Variants in NLRC5 observed in about 807,000 individuals in gnomAD.
NLRC5 encodes NLR family CARD domain containing 5, also known as protein NLRC5.
NLRC5 carries 114 observed loss-of-function variants against 206.9 expected under a neutral mutation model. The ratio of observed to expected loss-of-function variants is 0.55; its 90% CI spans 0.47 to 0.64. The LOEUF (loss-of-function observed/expected upper bound fraction) is 0.64, where lower values mean the gene tolerates loss of function less well. NLRC5 is among the 30% of genes least tolerant of loss of function. The probability of loss-of-function intolerance (pLI) is 0.00; values close to 1 mark genes in which losing one functional copy is unlikely to be tolerated. For missense variants in NLRC5, 2,008 were observed against 2,305.5 expected (o/e 0.87, Z 2.64); for synonymous variants, 952 against 962.8 (o/e 0.99, Z 0.21).
intron 1 of NLRC5, chr16:56,991,982 G>A (rs2056937839): frequency 6.6e-6 from 1 of 152,288 alleles, no homozygotes; most frequent in East Asian, 1.9e-4. Flanking sequence ...AATCCAATAG[G>A]ACCGGTGTCC....
chr16:57,067,984 C>G (rs1172206873), intron 36 of NLRC5, among the ~76,000 whole-genome samples, 156 bp downstream of exon 36: 1 of 152,188 alleles, frequency 6.6e-6, no homozygotes, highest in Non-Finnish European at 1.5e-5. Flanking sequence ...TTTAGGGGTA[C>G]CTAGTCGTAA....
chr16:57,078,054 G>C (rs2068628742), intron 43 of NLRC5, 34 bp downstream of exon 43: 3 of 1,528,802 alleles, frequency 2.0e-6, no homozygotes, highest in Non-Finnish European at 2.7e-6. Flanking sequence ...ATGCAGGGCT[G>C]GTGGGGAGGA....
chr16:57,026,441 T>C lies in NLRC5; in HGVS notation c.1498T>C (p.Cys500Arg), dbSNP rs28438857. 226,475 of 1,614,076 alleles carry C rather than the reference T, an allele frequency of 0.14. 22,939 individuals are homozygous for C. The highest frequency in any genetic ancestry group is 0.59 in the East Asian group (26,366 of 44,866). The change falls in exon 6 of 49, where the codon TGC becomes CGC. Residue 500 changes from cysteine (C) to arginine (R), a missense_variant. Physicochemically the swap from Cys to Arg is radical, Grantham distance 180. Transcript: ENST00000688547. Reference protein sequence around the residue: ...THSLLTSFCVCTGPGHQQTGY... With the variant: ...THSLLTSFCVRTGPGHQQTGY... ...CAGCCTGCTGACTTCCTTCTGCGTC[T>C]GCACAGGCCCTGGGCACCAGCAGAC...
chr16:57,051,300 C>T (rs542210911), intron 23 of NLRC5, among the ~76,000 whole-genome samples: 1 of 152,356 alleles, frequency 6.6e-6, no homozygotes, highest in East Asian at 1.9e-4. Flanking sequence ...CTATCGCAGC[C>T]TCAGAGAAGC....
intron 24 of NLRC5, among the ~76,000 whole-genome samples, chr16:57,053,472 G>A (rs1479942639): frequency 6.6e-6 from 1 of 152,172 alleles, no homozygotes. Flanking sequence ...GCACCCATGG[G>A]GAGAGTTTAG....
intron 32 of NLRC5, chr16:57,062,038 T>C (rs2066578626): frequency 1.5e-6 from 2 of 1,375,290 alleles, no homozygotes; most frequent in African/African-American, 2.9e-5. Context: ...TTTAAAACAC[T>C]CAGAAAAAGA....
At position 57,042,038 on chromosome 16, in the gene NLRC5, C is replaced by A; in HGVS notation, c.3086C>A (p.Pro1029Gln). The A allele has an allele frequency of 6.4e-7, 1 of 1,570,456 alleles. No individual in the cohort carries two copies. Residue 1029 changes from proline (P) to glutamine (Q), a missense_variant, in exon 19 of 49, where the codon CCA becomes CAA. Transcript: ENST00000688547. ...GCAGCCCGGCTGGCTCAGCTGCTCC[C>A]AGGGCTGGGAGCTCTGCAGTCCTTG... is the stretch of plus-strand genomic sequence containing the variant. ...EGAARLAQLL[P>Q]GLGALQSLNL...
At chr16:57,031,536 G>A in intron 11 of NLRC5, 73 bp downstream of exon 11, 5 of 1,445,086 alleles carry the variant, frequency 3.5e-6, no homozygotes, top group Non-Finnish European at 4.8e-6. Context: ...TGAGGGGAAA[G>A]GTGACCAAGA....
At chr16:57,060,996 G>A (rs899780833) in intron 30 of NLRC5, among the ~76,000 whole-genome samples, 10 of 152,224 alleles carry the variant, frequency 6.6e-5, no homozygotes, top group African/African-American at 1.9e-4. Context: ...GTGCTGGTCC[G>A]GGAGAGTAAG....
intron 1 of NLRC5, among the ~76,000 whole-genome samples, chr16:56,993,894 G>A (rs572562722): frequency 8.7e-5 from 13 of 150,044 alleles, no homozygotes; most frequent in Non-Finnish European, 1.8e-4. Flanking sequence ...AACCATATGC[G>A]TCATTGTTAG....
chr16:57,070,566 A>ACCAAGGCGCTGATGAGGGCCCTT lies in NLRC5; in HGVS notation c.4616_4638dup (p.Glu1547ProfsTer4). The ACCAAGGCGCTGATGAGGGCCCTT allele has an allele frequency of 6.2e-7, 1 of 1,614,144 alleles. No homozygotes were observed. The highest frequency in any genetic ancestry group is 8.5e-7 in the Non-Finnish European group (1 of 1,180,016). Reference sequence around the variant, plus strand: ...TAACAATCAATTTGATGAGGAGGGCACCAAGGCGCTGATGAGGGCCCTTGA... The same window carrying ACCAAGGCGCTGATGAGGGCCCTT: ...TAACAATCAATTTGATGAGGAGGGCACCAAGGCGCTGATGAGGGCCCTTCCAAGGCGCTGATGAGGGCCCTTGA... On this transcript the variant is annotated frameshift_variant, in exon 38 of 49. Coordinates refer to ENST00000688547, the MANE Select transcript of NLRC5 (RefSeq NM_001384950.1). LOFTEE classifies it high-confidence loss of function.
chr16:56,996,076 G>A (rs1425150868), intron 1 of NLRC5, among the ~76,000 whole-genome samples: 1 of 152,188 alleles, frequency 6.6e-6, no homozygotes, highest in East Asian at 1.9e-4. Context: ...TTCAGCAAGG[G>A]GAGGCCAGGC....
At chr16:57,012,740 C>G (rs2059636557) in intron 1 of NLRC5, among the ~76,000 whole-genome samples, 1 of 152,196 alleles carries the variant, frequency 6.6e-6, no homozygotes, top group African/African-American at 2.4e-5. Flanking sequence ...AGTCCCTAGG[C>G]CAAAAAGTCT....
At chr16:57,080,592 C>T (rs755974777) in intron 46 of NLRC5, among the ~76,000 whole-genome samples, 8 of 143,516 alleles carry the variant, frequency 5.6e-5, no homozygotes, top group Non-Finnish European at 1.2e-4. Context: ...TCAAGAGATT[C>T]TCCTGCCTCA....
intron 38 of NLRC5, among the ~76,000 whole-genome samples, chr16:57,073,701 C>T (rs1208844289): frequency 2.0e-5 from 3 of 152,192 alleles, no homozygotes; most frequent in Non-Finnish European, 4.4e-5. Context: ...TCAAGCAACC[C>T]TCCTGCCTCA....
At chr16:57,045,688 T>TC (rs1438722968) in intron 21 of NLRC5, among the ~76,000 whole-genome samples, 196 bp downstream of exon 21, 5 of 152,144 alleles carry the variant, frequency 3.3e-5, no homozygotes, top group African/African-American at 1.2e-4. Flanking sequence ...TGCCCTGTTT[T>TC]CCCCTTGGAA....
rs114550995 is a variant in NLRC5, at chr16:57,048,979, C to T, written c.3422+1351C>T. Among the ~76,000 whole-genome samples the T allele has an allele frequency of 8.0e-3, 1,215 of 152,288 alleles. 15 individuals carry two copies. Among genetic ancestry groups the T allele is most frequent in the African/African-American group, 0.028 (1,161 of 41,554 alleles). ...ACGGGACGAGCTGCAAGTTACTCCA[C>T]CACACCCTTCTAGAGTCTAGATCAA... On this transcript the variant is annotated intron_variant, in intron 23 of 48. Coordinates refer to ENST00000688547, the MANE Select transcript of NLRC5 (RefSeq NM_001384950.1).
intron 9 of NLRC5, 53 bp from the exon 10 acceptor site, chr16:57,029,942 G>A: frequency 6.8e-6 from 11 of 1,608,560 alleles, no homozygotes; most frequent in Non-Finnish European, 9.4e-6. Context: ...GGAAGGTCTG[G>A]GGCCCCTGGG....
chr16:57,076,766 G>A, intron 39 of NLRC5, 53 bp from the exon 40 acceptor site: 1 of 1,537,078 alleles, frequency 6.5e-7, no homozygotes, highest in Non-Finnish European at 9.0e-7. Flanking sequence ...CACAGCACCT[G>A]CAAAGGCCTT....
Sources: gnomAD v4.1 joint callset for allele counts (sites outside exome capture counted in the v4.1 genomes callset) on GRCh38, gnomAD v4.1.1 for gene constraint, MANE v1.5 for transcripts, NCBI Gene and HGNC (gene_info 2026-07-23, HGNC 2026-07-21) for gene names.